ERFL: variants seen among roughly 807,000 people sequenced by gnomAD.
ERFL encodes ETS domain-containing transcription factor ERF-like.
In ERFL, 8 loss-of-function variants were observed where a neutral mutation model predicts 27.9. That is an observed-to-expected ratio of 0.29 (90% CI 0.17 to 0.52). The LOEUF (loss-of-function observed/expected upper bound fraction) is 0.52, where lower values mean the gene tolerates loss of function less well. Ranked by LOEUF, ERFL falls within the 20% of genes least tolerant of loss-of-function variation. The pLI, the probability that ERFL is intolerant of heterozygous loss-of-function variation, is 0.97. For missense variants in ERFL, 294 were observed against 444.4 expected (o/e 0.66, Z 3.04); for synonymous variants, 174 against 202.8 (o/e 0.86, Z 1.21).
At position 41,921,695 on chromosome 19, in the gene ERFL, C is replaced by T. The variant is rs1335780273; in HGVS notation, c.-14+6345G>A. On this transcript the variant is annotated intron_variant, in intron 1 of 5. Transcript: ENST00000597630. This position sits in a 1 kb window ranked among gnomAD's most constrained non-coding sequence, Gnocchi z 4.4. Reference sequence around the variant, plus strand: ...GAAAATTGAGGGATTAGGGCAGAGGCAGGAGAGGGATGCAGGCGAGCCCGG... The same window carrying T: ...GAAAATTGAGGGATTAGGGCAGAGGTAGGAGAGGGATGCAGGCGAGCCCGG... Among the ~76,000 whole-genome samples, 1 of 152,034 alleles carries T rather than the reference C, an allele frequency of 6.6e-6. No homozygotes were observed. Among genetic ancestry groups the T allele is most frequent in the Non-Finnish European group, 1.5e-5 (1 of 67,990 alleles).
chr19:41,927,842 G>T (rs1327409497), intron 1 of ERFL, among the ~76,000 whole-genome samples, 198 bp downstream of exon 1: 4 of 150,296 alleles, frequency 2.7e-5, no homozygotes, highest in Admixed American at 1.3e-4. Context: ...AGCGCTACCC[G>T]CCTCCCACCT....
At chr19:41,926,765 C>T (rs1324711294) in intron 1 of ERFL, among the ~76,000 whole-genome samples, 1 of 152,318 alleles carries the variant, frequency 6.6e-6, no homozygotes, top group Middle Eastern at 3.4e-3. Flanking sequence ...CCGCGCGCCG[C>T]TTGTCTCTTA....
chr19:41,915,935 C>A (rs1555851919), intron 1 of ERFL, among the ~76,000 whole-genome samples: 1 of 152,120 alleles, frequency 6.6e-6, no homozygotes, highest in East Asian at 1.9e-4. Context: ...ATCCCCCACC[C>A]CCCTCCCCCC....
Position 41,908,997 on chromosome 19 carries a change from T to A in ERFL, c.616+63A>T, listed in dbSNP as rs891172. 4 of 1,019,362 alleles carry A rather than the reference T, an allele frequency of 3.9e-6. No homozygotes were observed. In the East Asian group the frequency reaches 9.8e-5, roughly 25 times the overall value. 63.1% of individuals were successfully genotyped at this position (1,019,362 alleles called of 1,614,324 possible). A position where few individuals can be genotyped will look rare whatever the true frequency, so the allele number is the denominator to read the frequency against. On this transcript the variant is annotated intron_variant, in intron 5 of 5. Coordinates refer to ENST00000597630, the MANE Select transcript of ERFL (RefSeq NM_001365103.2). The surrounding 1 kb of genome is among the most constrained non-coding windows in gnomAD (Gnocchi z 6.7). Reference sequence around the variant, plus strand: ...TCTTCTCTTGTCTTTTCTCATCCTCTTCCCTCAAGCCTGCAGCTTCTCCCA... The same window carrying A: ...TCTTCTCTTGTCTTTTCTCATCCTCATCCCTCAAGCCTGCAGCTTCTCCCA...
At position 41,921,377 on chromosome 19, in the gene ERFL, G is replaced by A; in HGVS notation, c.-14+6663C>T. ...GAGGGAGATGGAGGGGGATAGGCGG[G>A]ACATGGGGAACCCCACCAGGGGAAG... On this transcript the variant is annotated intron_variant, in intron 1 of 5. Transcript: ENST00000597630. The surrounding 1 kb of genome is among the most constrained non-coding windows in gnomAD (Gnocchi z 4.4). Among the ~76,000 whole-genome samples, 1 of 152,180 alleles carries A rather than the reference G, an allele frequency of 6.6e-6. No homozygotes were observed. Among genetic ancestry groups the A allele is most frequent in the East Asian group, 1.9e-4 (1 of 5,202 alleles).
chr19:41,920,511 T>C (rs2074835899), intron 1 of ERFL, among the ~76,000 whole-genome samples: 2 of 149,548 alleles, frequency 1.3e-5, no homozygotes, highest in African/African-American at 4.9e-5. Flanking sequence ...CACTCAGACA[T>C]GACACGCTCA....
chr19:41,915,472 TTCTGTGTCCCCACGTC>T (rs1158077729), intron 1 of ERFL, among the ~76,000 whole-genome samples: 5 of 151,820 alleles, frequency 3.3e-5, no homozygotes, highest in South Asian at 4.2e-4. Flanking sequence ...TCGTCTCCAC[TTCTGTGTCCCCACGTC>T]TCTGTGTCCC....
intron 1 of ERFL, among the ~76,000 whole-genome samples, chr19:41,919,534 C>CAA (rs1402107548): frequency 3.3e-5 from 5 of 151,906 alleles, no homozygotes; most frequent in African/African-American, 9.7e-5. Flanking sequence ...CACACACACA[C>CAA]ACGTCCACAT....
chr19:41,919,081 ACAC>A (rs1555852202), intron 1 of ERFL, among the ~76,000 whole-genome samples: 4 of 151,094 alleles, frequency 2.6e-5, no homozygotes, highest in Admixed American at 6.6e-5. Flanking sequence ...CACACACATT[ACAC>A]CACACCACAT....
At chr19:41,920,232 G>A (rs782450236) in intron 1 of ERFL, among the ~76,000 whole-genome samples, 14 of 103,100 alleles carry the variant, frequency 1.4e-4, no homozygotes, top group African/African-American at 5.3e-4. Context: ...ACACTCAGAC[G>A]TGACGTGCTC....
intron 1 of ERFL, among the ~76,000 whole-genome samples, chr19:41,913,759 C>G (rs908952849): frequency 6.6e-6 from 1 of 150,786 alleles, no homozygotes; most frequent in Non-Finnish European, 1.5e-5. Context: ...CCTCCTCACT[C>G]CAGTCTCCCC....
chr19:41,910,545 C>T lies in ERFL; in HGVS notation c.68-448G>A, dbSNP rs2074746053. Among the ~76,000 whole-genome samples, 1 of 152,154 alleles carries T rather than the reference C, an allele frequency of 6.6e-6. No homozygotes were observed. The highest frequency in any genetic ancestry group is 2.4e-5 in the African/African-American group (1 of 41,408). ...ACTGTCTCTGTTCCCCATTCCCTGT[C>T]CCCTGCTCCACCTTTCGACATTCCC... is the stretch of plus-strand genomic sequence containing the variant. On this transcript the variant is annotated intron_variant, in intron 2 of 5. Coordinates refer to ENST00000597630, the MANE Select transcript of ERFL (RefSeq NM_001365103.2). This position sits in a 1 kb window ranked among gnomAD's most constrained non-coding sequence, Gnocchi z 4.4.
chr19:41,923,144 A>G (rs1555852787), intron 1 of ERFL: 2 of 456,464 alleles, frequency 4.4e-6, no homozygotes. Context: ...ATGGATGCCC[A>G]TTTCACAGAT....
intron 1 of ERFL, among the ~76,000 whole-genome samples, chr19:41,924,975 T>C (rs1213759647): frequency 6.6e-6 from 1 of 152,032 alleles, no homozygotes; most frequent in Non-Finnish European, 1.5e-5. Flanking sequence ...GGGTTCCCAA[T>C]GCTTGCAAAA....
chr19:41,921,097 C>A lies in ERFL; in HGVS notation c.-14+6943G>T, dbSNP rs544044561. Among the ~76,000 whole-genome samples the A allele has an allele frequency of 6.6e-6, 1 of 152,252 alleles. No homozygotes were observed. The highest frequency in any genetic ancestry group is 1.5e-5 in the Non-Finnish European group (1 of 68,002). ...GGGAGGTGGGAGCCGCAGTGCCACG[C>A]ACCCCGCCTACCAAACAGCTCTGGG... is the stretch of plus-strand genomic sequence containing the variant. On this transcript the variant is annotated intron_variant, in intron 1 of 5. Coordinates refer to ENST00000597630, the MANE Select transcript of ERFL (RefSeq NM_001365103.2). The surrounding 1 kb of genome is among the most constrained non-coding windows in gnomAD (Gnocchi z 4.4).
At chr19:41,924,878 G>C (rs1454319272) in intron 1 of ERFL, among the ~76,000 whole-genome samples, 3 of 152,140 alleles carry the variant, frequency 2.0e-5, no homozygotes, top group Non-Finnish European at 4.4e-5. Context: ...AGATCTGAAG[G>C]TTTCTTCCTA....
chr19:41,927,989 G>A (rs2074881892), intron 1 of ERFL, 51 bp downstream of exon 1: 1 of 150,842 alleles, frequency 6.6e-6, no homozygotes, highest in Admixed American at 6.6e-5. Context: ...CTCCTGGGGC[G>A]GGAATCCCCG....
intron 1 of ERFL, among the ~76,000 whole-genome samples, chr19:41,925,714 T>C (rs892177962): frequency 6.6e-6 from 1 of 151,946 alleles, no homozygotes; most frequent in Non-Finnish European, 1.5e-5. Context: ...GAAAGACAGG[T>C]ACGGGGGAAT....
chr19:41,927,222 C>T (rs2074876816), intron 1 of ERFL, among the ~76,000 whole-genome samples: 2 of 152,100 alleles, frequency 1.3e-5, no homozygotes, highest in African/African-American at 4.8e-5. Flanking sequence ...AGTGGCCCAG[C>T]AGGGCCCTGC....
Sources: gnomAD v4.1 joint callset for allele counts (sites outside exome capture counted in the v4.1 genomes callset) on GRCh38, gnomAD v4.1.1 for gene constraint, Gnocchi (gnomAD v3.1) non-coding constraint, MANE v1.5 for transcripts, NCBI Gene and HGNC (gene_info 2026-07-23, HGNC 2026-07-21) for gene names.